The following RAD51 variants were observed in gnomAD, a reference collection of about 807,000 sequenced individuals.
RAD51 encodes the protein RAD51 recombinase.
RAD51 carries 14 observed loss-of-function variants against 41.5 expected under a neutral mutation model. That is an observed-to-expected ratio of 0.34 (90% CI 0.22 to 0.53). The LOEUF is 0.53. RAD51 is among the 20% of genes least tolerant of loss of function. RAD51 has a pLI of 0.95. For synonymous variants in RAD51, 136 were observed against 148.6 expected, an observed-to-expected ratio of 0.92 and a Z score of 0.62; for missense variants, 234 against 422.0, an observed-to-expected ratio of 0.55 and a Z score of 3.90.
chr15:40,715,096 G>T (rs368383325), intron 5 of RAD51, among the ~76,000 whole-genome samples: 1 of 152,194 alleles, frequency 6.6e-6, no homozygotes, highest in Non-Finnish European at 1.5e-5. Flanking sequence ...GGTGGCTCAC[G>T]CCTGTAATCC....
rs1896907231 is a variant in RAD51, at chr15:40,732,203, A to C, written c.*1025A>C. The C allele has an allele frequency of 5.5e-6, 1 of 182,394 alleles. No individual in the cohort carries two copies. The highest frequency in any genetic ancestry group is 1.2e-5 in the Non-Finnish European group (1 of 85,724). 11.3% of individuals were successfully genotyped at this position (182,394 alleles called of 1,614,324 possible). A position where few individuals can be genotyped will look rare whatever the true frequency, so the allele number is the denominator to read the frequency against. ...ATTGCAGTGCAAGCTATTTCAAGACAGGGTTTCCATAATCTTTTTGGCACT... is the reference window on the plus strand; with the variant it reads ...ATTGCAGTGCAAGCTATTTCAAGACCGGGTTTCCATAATCTTTTTGGCACT... On this transcript the variant is annotated 3_prime_UTR_variant, in exon 10 of 10. Coordinates refer to ENST00000267868, the MANE Select transcript of RAD51 (RefSeq NM_002875.5).
chr15:40,728,875 A>T, intron 7 of RAD51, 51 bp downstream of exon 7: 1 of 1,447,680 alleles, frequency 6.9e-7, no homozygotes, highest in Non-Finnish European at 9.7e-7. Context: ...TCCTTCCCTG[A>T]ATCTTGTAAT....
In RAD51 at chr15:40,732,280, A is replaced by C. The variant is rs1286447392; in HGVS notation, c.*1102A>C. On this transcript the variant is annotated 3_prime_UTR_variant, in exon 10 of 10. Transcript: ENST00000267868. ...TTCAAGATTTGAAACCAGAAAGGAA[A>C]GTCCCACTTGCAGATGATTGTGCTT... 1 of 177,058 alleles carries C rather than the reference A, an allele frequency of 5.6e-6. No individual in the cohort carries two copies. The highest frequency in any genetic ancestry group is 9.8e-5 in the East Asian group (1 of 10,212). The allele number at this position is 177,058 out of a possible 1,614,324, so 11.0% of individuals were successfully genotyped here. A position where few individuals can be genotyped will look rare whatever the true frequency, so the allele number is the denominator to read the frequency against.
chr15:40,712,726 T>G (rs976673662), intron 5 of RAD51, among the ~76,000 whole-genome samples: 5 of 152,144 alleles, frequency 3.3e-5, no homozygotes, highest in African/African-American at 1.2e-4. Flanking sequence ...TCTAGATAGA[T>G]TATACCCACT....
chr15:40,724,606 A>C (rs953504981), intron 6 of RAD51, among the ~76,000 whole-genome samples: 1 of 151,312 alleles, frequency 6.6e-6, no homozygotes, highest in African/African-American at 2.4e-5. Context: ...GGGCTCAAGC[A>C]GTCCCCCCTC....
At chr15:40,708,315 G>A (rs1043532603) in intron 4 of RAD51, among the ~76,000 whole-genome samples, 3 of 143,628 alleles carry the variant, frequency 2.1e-5, no homozygotes, top group African/African-American at 7.9e-5. Flanking sequence ...TGCAGCCTCC[G>A]CCTCCCAGGT....
chr15:40,718,540 A>T (rs1256908821), intron 5 of RAD51, among the ~76,000 whole-genome samples: 1 of 151,802 alleles, frequency 6.6e-6, no homozygotes, highest in Non-Finnish European at 1.5e-5. Context: ...AGAAGAAAAG[A>T]ATTTTATTAC....
At chr15:40,728,118 C>T (rs959287266) in intron 6 of RAD51, among the ~76,000 whole-genome samples, 1 of 152,106 alleles carries the variant, frequency 6.6e-6, no homozygotes, top group Non-Finnish European at 1.5e-5. Flanking sequence ...CCTCGGCATC[C>T]CAAAGTGCTA....
At chr15:40,717,000 T>C (rs1896023952) in intron 5 of RAD51, among the ~76,000 whole-genome samples, 1 of 151,962 alleles carries the variant, frequency 6.6e-6, no homozygotes, top group African/African-American at 2.4e-5. Context: ...ATTTTTAATA[T>C]AAGCATATAG....
At chr15:40,716,910 C>A (rs995091745) in intron 5 of RAD51, among the ~76,000 whole-genome samples, 4 of 152,102 alleles carry the variant, frequency 2.6e-5, no homozygotes, top group African/African-American at 9.7e-5. Flanking sequence ...GATCCACCTG[C>A]TTCGGCCTCC....
chr15:40,731,449 T>C lies in RAD51; in HGVS notation c.*271T>C, dbSNP rs1349040955. ...GGAGGGGTATGAAGTATCTTTGACA[T>C]GGTGCCTTAGGAATGACTTGGGTTT... On this transcript the variant is annotated 3_prime_UTR_variant, in exon 10 of 10. Coordinates refer to ENST00000267868, the MANE Select transcript of RAD51 (RefSeq NM_002875.5). 2.2e-6 allele frequency: 1 copy of C among 457,288 alleles called. No homozygotes were observed. Among genetic ancestry groups the C allele is most frequent in the Non-Finnish European group, 4.0e-6 (1 of 249,774 alleles). 28.3% of individuals were successfully genotyped at this position (457,288 alleles called of 1,614,324 possible).
Position 40,698,799 on chromosome 15 carries a change from C to T in RAD51, c.41C>T (p.Ser14Leu). 1.2e-6 allele frequency: 2 copies of T among 1,614,170 alleles called. No individual in the cohort carries two copies. The highest frequency in any genetic ancestry group is 1.3e-5 in the African/African-American group (1 of 75,050). Residue 14 changes from serine (S) to leucine (L), a missense_variant, in exon 2 of 10, where the codon TCA becomes TTA. Ser to Leu is a moderately radical substitution (Grantham distance 145, BLOSUM62 -2). Around this residue, in one of 2 missense-constraint regions of RAD51, gnomAD observed 100 missense variants for 135.5 expected, o/e 0.74. Coordinates refer to ENST00000267868, the MANE Select transcript of RAD51 (RefSeq NM_002875.5). Reference sequence around the variant, plus strand: ...CAGCTTGAAGCAAATGCAGATACTTCAGTGGAAGAAGAAAGCTTTGGCCCA... The same window carrying T: ...CAGCTTGAAGCAAATGCAGATACTTTAGTGGAAGAAGAAAGCTTTGGCCCA... Reference protein sequence around the residue: ...QMQLEANADTSVEEESFGPQP... With the variant: ...QMQLEANADTLVEEESFGPQP...
rs1567045941 is a variant in RAD51, at chr15:40,713,995, T to TTTTTC, written c.436-4806_436-4805insCTTTT. Among the ~76,000 whole-genome samples the TTTTTC allele has an allele frequency of 9.8e-5, 2 of 20,382 alleles. 1 individual carries two copies. Among genetic ancestry groups the TTTTTC allele is most frequent in the Admixed American group, 1.2e-3 (2 of 1,690 alleles). The allele number at this position is 20,382 out of a possible 152,430, so 13.4% of individuals were successfully genotyped here. On this transcript the variant is annotated intron_variant, in intron 5 of 9. Transcript: ENST00000267868. Reference sequence around the variant, plus strand: ...GTTAACTCTCCTCAGAAATAAATTCTTTTTTTTTTTTTTTTTTGAGATTGG... The same window carrying TTTTTC: ...GTTAACTCTCCTCAGAAATAAATTCTTTTTCTTTTTTTTTTTTTTTTTGAGATTGG...
intron 3 of RAD51, among the ~76,000 whole-genome samples, chr15:40,703,252 G>T (rs1895115135): frequency 6.6e-6 from 1 of 152,088 alleles, no homozygotes; most frequent in African/African-American, 2.4e-5. Flanking sequence ...CATGTTTGTT[G>T]CACTGAAATG....
In RAD51 at chr15:40,710,028, G is replaced by A. The variant is rs1441903255; in HGVS notation, c.435+912G>A. On this transcript the variant is annotated intron_variant, in intron 5 of 9. Coordinates refer to ENST00000267868, the MANE Select transcript of RAD51 (RefSeq NM_002875.5). ...GAGGCCGAGGTGGGCGGATCACAAG[G>A]TCAGGAGATTGAGACCATCCTGGCT... 2.0e-5 allele frequency among the ~76,000 whole-genome samples: 3 copies of A among 152,010 alleles called. No homozygotes were observed. The East Asian group carries it at 5.8e-4, about 30-fold the overall frequency.
At chr15:40,713,016 T>A (rs1282646356) in intron 5 of RAD51, among the ~76,000 whole-genome samples, 1 of 150,272 alleles carries the variant, frequency 6.7e-6, no homozygotes, top group Admixed American at 6.7e-5. Flanking sequence ...ATAGCTGGGA[T>A]TACAGGCATG....
At chr15:40,721,903 A>G (rs1429562500) in intron 6 of RAD51, among the ~76,000 whole-genome samples, 2 of 152,232 alleles carry the variant, frequency 1.3e-5, no homozygotes, top group East Asian at 1.9e-4. Context: ...ATTACTCACA[A>G]TAGCTTTGGA....
rs556194314 is a variant in RAD51, at chr15:40,719,768, C to T, written c.530+869C>T. On this transcript the variant is annotated intron_variant, in intron 6 of 9. Coordinates refer to ENST00000267868, the MANE Select transcript of RAD51 (RefSeq NM_002875.5). ...AATGGCCTGAACCCGGGAGGCGGAG[C>T]TTGCAGTGAGCCGAGATCGCGCCAC... 1.5e-4 allele frequency among the ~76,000 whole-genome samples: 23 copies of T among 151,874 alleles called. No individual in the cohort carries two copies. The South Asian group carries it at 4.8e-3, about 32-fold the overall frequency.
chr15:40,729,205 C>T (rs1896743123), intron 7 of RAD51, among the ~76,000 whole-genome samples: 1 of 151,638 alleles, frequency 6.6e-6, no homozygotes, highest in Non-Finnish European at 1.5e-5. Context: ...TCCGTCTCTA[C>T]TAAAAAAATA....
Sources: gnomAD v4.1 joint callset for allele counts (sites outside exome capture counted in the v4.1 genomes callset) on GRCh38, gnomAD v4.1.1 for gene constraint, gnomAD v4.1.1 regional missense constraint, MANE v1.5 for transcripts, NCBI Gene and HGNC (gene_info 2026-07-23, HGNC 2026-07-21) for gene names.